COL24A1: variants seen among roughly 807,000 people sequenced by gnomAD.
COL24A1 encodes the protein collagen type XXIV alpha 1 chain.
In COL24A1, 224 loss-of-function variants were observed where a neutral mutation model predicts 253.9. The observed-to-expected ratio is 0.88, with a 90% CI of 0.79 to 0.99. The LOEUF is 0.99. COL24A1 is among the 50% of genes least tolerant of loss of function. The probability of loss-of-function intolerance (pLI) is 0.00; values close to 1 mark genes in which losing one functional copy is unlikely to be tolerated. For missense variants in COL24A1, 2,131 were observed against 2,068.5 expected, an observed-to-expected ratio of 1.03 and a Z score of -0.59; for synonymous variants, 685 against 673.7, an observed-to-expected ratio of 1.02 and a Z score of -0.26.
chr1:86,033,203 C>T (rs1173416263), intron 13 of COL24A1, among the ~76,000 whole-genome samples: 1 of 152,024 alleles, frequency 6.6e-6, no homozygotes, highest in Non-Finnish European at 1.5e-5. Flanking sequence ...GATTTACTTA[C>T]GTGTAATTAT....
intron 12 of COL24A1, among the ~76,000 whole-genome samples, chr1:86,046,165 A>G (rs1699883175): frequency 6.6e-6 from 1 of 152,200 alleles, no homozygotes. Context: ...ATTATCATTA[A>G]GATTTTATTC....
intron 7 of COL24A1, among the ~76,000 whole-genome samples, chr1:86,067,826 T>C (rs1701602001): frequency 6.6e-6 from 1 of 152,174 alleles, no homozygotes; most frequent in Non-Finnish European, 1.5e-5. Flanking sequence ...AGCTCCAATC[T>C]AGGGATTTTA....
chr1:85,964,930 T>A, intron 23 of COL24A1, 79 bp downstream of exon 23: 1 of 1,292,978 alleles, frequency 7.7e-7, no homozygotes, highest in South Asian at 1.3e-5. Flanking sequence ...ATGTGTTCAT[T>A]TCACATTTGT....
intron 24 of COL24A1, among the ~76,000 whole-genome samples, chr1:85,918,078 C>T (rs1374317213): frequency 1.3e-5 from 2 of 151,100 alleles, no homozygotes; most frequent in Non-Finnish European, 2.9e-5. Flanking sequence ...TGATATCTTT[C>T]ATTGACAAGA....
chr1:85,786,538 A>C, intron 47 of COL24A1, 77 bp from the exon 48 acceptor site: 1 of 1,354,966 alleles, frequency 7.4e-7, no homozygotes, highest in Non-Finnish European at 1.0e-6. Context: ...AAATGTAGGA[A>C]GAGTTGTGCC....
intron 53 of COL24A1, among the ~76,000 whole-genome samples, chr1:85,775,320 T>A (rs1170643029): frequency 1.3e-5 from 2 of 152,180 alleles, no homozygotes; most frequent in African/African-American, 4.8e-5. Flanking sequence ...ATAAGTGGGA[T>A]GTGGTGCTGA....
intron 37 of COL24A1, among the ~76,000 whole-genome samples, chr1:85,863,048 A>G (rs1679344834): frequency 6.6e-6 from 1 of 152,142 alleles, no homozygotes; most frequent in South Asian, 2.1e-4. Flanking sequence ...TGTAAGTTGG[A>G]TTTCTAGATA....
At chr1:85,959,541 G>T (rs1338178335) in intron 24 of COL24A1, among the ~76,000 whole-genome samples, 1 of 152,090 alleles carries the variant, frequency 6.6e-6, no homozygotes, top group African/African-American at 2.4e-5. Flanking sequence ...TACTCAATGT[G>T]CTCCAGATTC....
At chr1:86,133,927 C>T (rs1220851983) in intron 2 of COL24A1, among the ~76,000 whole-genome samples, 1 of 151,958 alleles carries the variant, frequency 6.6e-6, no homozygotes, top group African/African-American at 2.4e-5. Context: ...GGAATGGTAC[C>T]AGCTCCTCCT....
intron 35 of COL24A1, among the ~76,000 whole-genome samples, chr1:85,873,047 A>T (rs1426716924): frequency 6.6e-6 from 1 of 152,218 alleles, no homozygotes; most frequent in Admixed American, 6.5e-5. Context: ...CACTTCTCAA[A>T]AGAAGACATT....
intron 43 of COL24A1, among the ~76,000 whole-genome samples, chr1:85,829,146 T>C (rs1160301028): frequency 6.7e-6 from 1 of 148,354 alleles, no homozygotes; most frequent in East Asian, 1.9e-4. Context: ...CAGCATTTGC[T>C]TGTCTGTAAA....
At position 85,984,158 on chromosome 1, in the gene COL24A1, G is replaced by T. The variant is rs559106909; in HGVS notation, c.2364+3443C>A. Among the ~76,000 whole-genome samples, 5 of 151,880 alleles carry T rather than the reference G, an allele frequency of 3.3e-5. No individual in the cohort carries two copies. The East Asian group carries it at 7.7e-4, about 23-fold the overall frequency. ...AAAAGAAAATTAAATAGGTCAGTTG[G>T]CTTTCTTCAGTTCTCTGACACTTAA... On this transcript the variant is annotated intron_variant, in intron 20 of 59. Coordinates refer to ENST00000370571, the MANE Select transcript of COL24A1 (RefSeq NM_152890.7).
chr1:85,795,208 T>C (rs1263133639), intron 47 of COL24A1, among the ~76,000 whole-genome samples: 1 of 152,200 alleles, frequency 6.6e-6, no homozygotes, highest in Non-Finnish European at 1.5e-5. Flanking sequence ...AGTGCAAGTC[T>C]GCCTTCATTT....
intron 2 of COL24A1, among the ~76,000 whole-genome samples, chr1:86,135,063 T>C: frequency 6.6e-6 from 1 of 151,962 alleles, no homozygotes; most frequent in Non-Finnish European, 1.5e-5. Flanking sequence ...TTTAGGAGAG[T>C]TAGCTCTTCT....
chr1:85,824,008 G>A (rs757079868), intron 43 of COL24A1, among the ~76,000 whole-genome samples: 5 of 151,704 alleles, frequency 3.3e-5, no homozygotes, highest in African/African-American at 4.8e-5. Context: ...CCAAATGTTC[G>A]TCTATGTCCC....
At chr1:85,740,395 A>G (rs1016136281) in intron 57 of COL24A1, among the ~76,000 whole-genome samples, 1 of 152,182 alleles carries the variant, frequency 6.6e-6, no homozygotes, top group African/African-American at 2.4e-5. Context: ...TGTAACTTAT[A>G]TAAACTCCCA....
intron 12 of COL24A1, among the ~76,000 whole-genome samples, chr1:86,036,482 T>A (rs1699036100): frequency 6.6e-6 from 1 of 152,186 alleles, no homozygotes; most frequent in Non-Finnish European, 1.5e-5. Context: ...ACAAAGGCAT[T>A]ATTTGGCTCC....
chr1:86,124,779 G>T, intron 3 of COL24A1, 66 bp downstream of exon 3: 1 of 1,214,200 alleles, frequency 8.2e-7, no homozygotes, highest in Non-Finnish European at 1.1e-6. Flanking sequence ...TCTTTAAAAT[G>T]TATTTTAAAG....
At chr1:85,970,359 T>C (rs1692033294) in intron 21 of COL24A1, 88 bp from the exon 22 acceptor site, 2 of 1,242,754 alleles carry the variant, frequency 1.6e-6, no homozygotes, top group Non-Finnish European at 2.3e-6. Flanking sequence ...TATTCTAAAA[T>C]GTGAAGCTCA....
Sources: allele counts gnomAD v4.1 joint callset (sites outside exome capture counted in the v4.1 genomes callset), GRCh38; gene constraint gnomAD v4.1.1; transcripts MANE v1.5; gene names NCBI Gene and HGNC (gene_info 2026-07-23, HGNC 2026-07-21).